SLC24A2: variants seen among roughly 807,000 people sequenced by gnomAD.
The protein encoded by SLC24A2 is sodium/potassium/calcium exchanger 2.
Under a neutral mutation model 62.0 loss-of-function variants are expected in SLC24A2, and 36 were observed. The observed-to-expected ratio is 0.58, with a 90% CI of 0.44 to 0.77. The LOEUF (loss-of-function observed/expected upper bound fraction) is 0.77. Among genes scored for constraint, SLC24A2 ranks in the 30% least tolerant of loss-of-function variants. The pLI, the probability that SLC24A2 is intolerant of heterozygous loss-of-function variation, is 0.00. For missense variants in SLC24A2, 846 were observed against 817.9 expected (o/e 1.03, Z -0.42); for synonymous variants, 358 against 294.0 (o/e 1.22, Z -2.23).
chr9:19,699,056 G>A (rs894880358), intron 2 of SLC24A2, among the ~76,000 whole-genome samples: 8 of 152,146 alleles, frequency 5.3e-5, no homozygotes, highest in Non-Finnish European at 7.4e-5. Flanking sequence ...GGACTACAAA[G>A]ATGAATAAGA....
chr9:19,947,763 C>T, the SLC24A2 span, among the ~76,000 whole-genome samples: 2 of 124,848 alleles, frequency 1.6e-5, no homozygotes, highest in East Asian at 5.1e-4. Flanking sequence ...TGCACTCCAG[C>T]TTGAGGGTCA....
At chr9:20,160,717 T>C in the SLC24A2 span, among the ~76,000 whole-genome samples, 2 of 151,228 alleles carry the variant, frequency 1.3e-5, no homozygotes, top group Admixed American at 1.3e-4. Context: ...ATAATGATGA[T>C]AAAAACCTAC....
At chr9:20,100,409 G>C in the SLC24A2 span, among the ~76,000 whole-genome samples, 1 of 152,094 alleles carries the variant, frequency 6.6e-6, no homozygotes, top group South Asian at 2.1e-4. Flanking sequence ...TCTCAGGCAA[G>C]ACTTCCCAGA....
chr9:20,008,030 A>C, the SLC24A2 span, among the ~76,000 whole-genome samples: 23 of 150,642 alleles, frequency 1.5e-4, no homozygotes, highest in African/African-American at 5.6e-4. Flanking sequence ...CGAGTAGCTG[A>C]GACTACAGGT....
At chr9:19,874,284 T>C in the SLC24A2 span, among the ~76,000 whole-genome samples, 1 of 152,104 alleles carries the variant, frequency 6.6e-6, no homozygotes, top group East Asian at 1.9e-4. Context: ...TTCGCCATGT[T>C]GGCCAGGCAT....
At chr9:19,850,949 A>ATATATATATATATATATATG in the SLC24A2 span, among the ~76,000 whole-genome samples, 2 of 39,510 alleles carry the variant, frequency 5.1e-5, no homozygotes, top group South Asian at 6.5e-4. Flanking sequence ...ATATATACAT[A>ATATATATATATATATATATG]TATATATATA....
chr9:19,520,639 AT>A (rs1253761820), intron 10 of SLC24A2, among the ~76,000 whole-genome samples: 1 of 151,994 alleles, frequency 6.6e-6, no homozygotes, highest in East Asian at 1.9e-4. Flanking sequence ...ATTCTAAAGT[AT>A]TTCCTAAAAT....
At chr9:19,997,622 G>C in the SLC24A2 span, among the ~76,000 whole-genome samples, 1 of 152,154 alleles carries the variant, frequency 6.6e-6, no homozygotes, top group South Asian at 2.1e-4. Context: ...GAGGTAAACA[G>C]AGAGAATTTA....
chr9:19,567,869 A>AACTT (rs1481146659), intron 7 of SLC24A2, among the ~76,000 whole-genome samples: 1 of 152,128 alleles, frequency 6.6e-6, no homozygotes. Flanking sequence ...ATGAAGCAAA[A>AACTT]ACTTCATTCC....
the SLC24A2 span, among the ~76,000 whole-genome samples, chr9:20,281,589 A>C: frequency 6.6e-6 from 1 of 152,208 alleles, no homozygotes; most frequent in Non-Finnish European, 1.5e-5. Flanking sequence ...ATATTCTTTT[A>C]TGTGTGTCTT....
chr9:20,264,403 C>T, the SLC24A2 span, among the ~76,000 whole-genome samples: 7 of 152,222 alleles, frequency 4.6e-5, no homozygotes, highest in Non-Finnish European at 7.3e-5. Flanking sequence ...AGGACAGCTG[C>T]CCCTGCTTCA....
chr9:20,032,654 G>A, the SLC24A2 span, among the ~76,000 whole-genome samples: 112 of 152,264 alleles, frequency 7.4e-4, no homozygotes, highest in African/African-American at 2.6e-3. Context: ...AGGTCATTGA[G>A]TGCTCAGTTT....
chr9:19,563,828 C>CCTTCCTCCCTCCCTT (rs1835533447), intron 7 of SLC24A2, among the ~76,000 whole-genome samples: 2 of 33,536 alleles, frequency 6.0e-5, no homozygotes, highest in Non-Finnish European at 1.2e-4. Context: ...CTTCCTTCCT[C>CCTTCCTCCCTCCCTT]CCTCCCTCCC....
the SLC24A2 span, among the ~76,000 whole-genome samples, chr9:19,805,274 T>G: frequency 6.6e-6 from 1 of 152,188 alleles, no homozygotes; most frequent in Non-Finnish European, 1.5e-5. Flanking sequence ...TGTTTTACAT[T>G]GAGGTAGTTA....
chr9:19,740,918 C>G (rs1821656859), intron 2 of SLC24A2, among the ~76,000 whole-genome samples: 2 of 150,546 alleles, frequency 1.3e-5, no homozygotes, highest in South Asian at 4.2e-4. Flanking sequence ...AGACCCACAA[C>G]AGCCTCATCA....
At chr9:20,113,306 A>G in the SLC24A2 span, among the ~76,000 whole-genome samples, 2 of 152,178 alleles carry the variant, frequency 1.3e-5, no homozygotes, top group Admixed American at 1.3e-4. Flanking sequence ...CCAGCTGTGA[A>G]AAGTGACTTC....
At chr9:20,132,320 T>C in the SLC24A2 span, among the ~76,000 whole-genome samples, 8 of 152,078 alleles carry the variant, frequency 5.3e-5, no homozygotes, top group Non-Finnish European at 1.2e-4. Context: ...ATGTGCTATG[T>C]GAAAGAGTTA....
chr9:20,177,464 C>T, the SLC24A2 span, among the ~76,000 whole-genome samples: 1 of 152,074 alleles, frequency 6.6e-6, no homozygotes, highest in Non-Finnish European at 1.5e-5. Flanking sequence ...GTCAGAGCCA[C>T]CAAAAGAGCA....
the SLC24A2 span, among the ~76,000 whole-genome samples, chr9:19,988,705 T>C: frequency 6.6e-6 from 1 of 152,168 alleles, no homozygotes; most frequent in African/African-American, 2.4e-5. Flanking sequence ...CAGAGGTGGT[T>C]CTGCTTTTGT....
Sources: gnomAD v4.1 joint callset for allele counts (sites outside exome capture counted in the v4.1 genomes callset) on GRCh38, gnomAD v4.1.1 for gene constraint, MANE v1.5 for transcripts, NCBI Gene and HGNC (gene_info 2026-07-23, HGNC 2026-07-21) for gene names.